The following THOC5 variants were observed in gnomAD, a reference collection of about 807,000 sequenced individuals.
The protein encoded by THOC5 is THO complex subunit 5.
Under a neutral mutation model 92.9 loss-of-function variants are expected in THOC5, and 43 were observed. The observed-to-expected ratio is 0.46, with a 90% CI of 0.36 to 0.60. The LOEUF (loss-of-function observed/expected upper bound fraction) is 0.60. Ranked by LOEUF, THOC5 falls within the 20% of genes least tolerant of loss-of-function variation. The probability of loss-of-function intolerance (pLI) is 0.00; values close to 1 mark genes in which losing one functional copy is unlikely to be tolerated. For synonymous variants in THOC5, 296 were observed against 320.1 expected (o/e 0.92, Z 0.80); for missense variants, 659 against 849.4 (o/e 0.78, Z 2.79).
chr22:29,519,951 A>G (rs1454344024), intron 14 of THOC5, 57 bp downstream of exon 14: 3 of 1,473,232 alleles, frequency 2.0e-6, no homozygotes, highest in African/African-American at 2.8e-5. Context: ...TCTAGAGTCT[A>G]TACAGGAAGA....
chr22:29,517,182 A>C, intron 16 of THOC5, 66 bp from the exon 17 acceptor site: 2 of 1,608,290 alleles, frequency 1.2e-6, no homozygotes, highest in Non-Finnish European at 1.7e-6. Flanking sequence ...CTGCTCTTCC[A>C]GTGAGGTGGC....
chr22:29,526,020 G>A, intron 11 of THOC5, 74 bp from the exon 12 acceptor site: 1 of 575,008 alleles, frequency 1.7e-6, no homozygotes, highest in South Asian at 1.5e-5. Flanking sequence ...ATAGGGGGTA[G>A]TAAGGTGGGG....
intron 11 of THOC5, among the ~76,000 whole-genome samples, chr22:29,527,862 G>A (rs1315805959): frequency 1.3e-5 from 2 of 152,192 alleles, no homozygotes; most frequent in Non-Finnish European, 1.5e-5. Flanking sequence ...TCAAGCTTCT[G>A]CCTTATGTGA....
rs2063157930 is a variant in THOC5, at chr22:29,508,314, GAC to G, written c.*141_*142del. 1.2e-6 allele frequency: 1 copy of G among 844,522 alleles called. No individual in the cohort carries two copies. The highest frequency in any genetic ancestry group is 1.8e-6 in the Non-Finnish European group (1 of 541,306). 52.3% of individuals were successfully genotyped at this position (844,522 alleles called of 1,614,324 possible). A position where few individuals can be genotyped will look rare whatever the true frequency, so the allele number is the denominator to read the frequency against. On this transcript the variant is annotated 3_prime_UTR_variant, in exon 20 of 20. Coordinates refer to ENST00000490103, the MANE Select transcript of THOC5 (RefSeq NM_003678.5). Reference sequence around the variant, plus strand: ...CAAAGCCACCTTGCCAGGAACCACAGACAAAGGCCACTGGTCAGGTGACGCTT... The same window carrying G: ...CAAAGCCACCTTGCCAGGAACCACAGAAAGGCCACTGGTCAGGTGACGCTT...
In THOC5 at chr22:29,536,615, G is replaced by A; in HGVS notation, c.714+9C>T. On this transcript the variant is annotated intron_variant, in intron 7 of 19. Coordinates refer to ENST00000490103, the MANE Select transcript of THOC5 (RefSeq NM_003678.5). The stretch of plus-strand genomic sequence containing the variant: ...GGTGAAGGCAAAGCAAAAGGCCAGA[G>A]GGCCCCACCTGCATGATGCTGTTGA... The A allele has an allele frequency of 6.4e-7, 1 of 1,563,758 alleles. No individual in the cohort carries two copies. The highest frequency in any genetic ancestry group is 8.8e-7 in the Non-Finnish European group (1 of 1,133,942).
Position 29,508,129 on chromosome 22 carries a change from C to A in THOC5, c.*328G>T. Reference sequence around the variant, plus strand: ...TAAATACAAGATCATGAGGACCTCACCCCGCAAAGCACAAATAGGGTGTGC... The same window carrying A: ...TAAATACAAGATCATGAGGACCTCAACCCGCAAAGCACAAATAGGGTGTGC... On this transcript the variant is annotated 3_prime_UTR_variant, in exon 20 of 20. Coordinates refer to ENST00000490103, the MANE Select transcript of THOC5 (RefSeq NM_003678.5). 1 of 276,338 alleles carries A rather than the reference C, an allele frequency of 3.6e-6. No homozygotes were observed. The highest frequency in any genetic ancestry group is 6.7e-5 in the South Asian group (1 of 14,986). 17.1% of individuals were successfully genotyped at this position (276,338 alleles called of 1,614,324 possible).
chr22:29,546,866 G>A (rs193137395), intron 2 of THOC5, among the ~76,000 whole-genome samples: 1 of 150,338 alleles, frequency 6.7e-6, no homozygotes, highest in East Asian at 1.9e-4. Context: ...TTGAGACAAG[G>A]TCTTGCTCTT....
intron 2 of THOC5, among the ~76,000 whole-genome samples, chr22:29,547,138 A>G (rs1326689918): frequency 1.3e-5 from 2 of 151,840 alleles, no homozygotes; most frequent in Non-Finnish European, 2.9e-5. Flanking sequence ...GCCACTGCAC[A>G]TGGCCCTGTC....
At chr22:29,529,379 G>C (rs1336730358) in intron 8 of THOC5, 140 bp from the exon 9 acceptor site, 2 of 796,972 alleles carry the variant, frequency 2.5e-6, no homozygotes, top group African/African-American at 1.7e-5. Flanking sequence ...AAAAGTCCTT[G>C]CTCCAGATGA....
intron 12 of THOC5, 25 bp downstream of exon 12, chr22:29,525,813 A>G (rs953507835): frequency 6.3e-7 from 1 of 1,595,252 alleles, no homozygotes; most frequent in Non-Finnish European, 8.6e-7. Flanking sequence ...CCCGCACGTC[A>G]TTGCCCAGAG....
intron 7 of THOC5, among the ~76,000 whole-genome samples, chr22:29,532,261 A>G: frequency 6.6e-6 from 1 of 150,654 alleles, no homozygotes; most frequent in Non-Finnish European, 1.5e-5. Flanking sequence ...GGAGTTCAAG[A>G]GCAGCCTGGG....
chr22:29,535,513 CTA>C (rs534974325), intron 7 of THOC5: 15 of 152,160 alleles, frequency 9.9e-5, no homozygotes, highest in Non-Finnish European at 1.6e-4. Flanking sequence ...TGAGTCCATA[CTA>C]TATGTTCTAC....
intron 4 of THOC5, 37 bp downstream of exon 4, chr22:29,543,385 GAGGAGGA>G (rs1280601508): frequency 7.8e-7 from 1 of 1,284,072 alleles, no homozygotes; most frequent in Admixed American, 1.9e-5. Flanking sequence ...AGGGGATGGG[GAGGAGGA>G]AGGAGGAAGG....
Position 29,528,473 on chromosome 22 carries a change from CCA to C in THOC5, c.926-9_926-8del. ...TCTGAGTCACTCTCGTCATCTGCAGCCACAGAGAGAAGGCAGCTAGAGGTGAG... is the reference window on the plus strand; with the variant it reads ...TCTGAGTCACTCTCGTCATCTGCAGCCAGAGAGAAGGCAGCTAGAGGTGAG... On this transcript the variant is annotated splice_polypyrimidine_tract_variant and splice_region_variant and intron_variant, in intron 9 of 19. Coordinates refer to ENST00000490103, the MANE Select transcript of THOC5 (RefSeq NM_003678.5). 2 of 1,612,910 alleles carry C rather than the reference CCA, an allele frequency of 1.2e-6. No individual in the cohort carries two copies. Among genetic ancestry groups the C allele is most frequent in the South Asian group, 1.1e-5 (1 of 91,074 alleles).
chr22:29,517,621 T>C (rs1299904041), intron 15 of THOC5, among the ~76,000 whole-genome samples: 2 of 152,262 alleles, frequency 1.3e-5, no homozygotes. Context: ...ATGCAAATGA[T>C]AGCCTGCCAA....
chr22:29,507,578 C>A lies in THOC5; in HGVS notation c.*879G>T, dbSNP rs1023431761. 1 of 151,990 alleles carries A rather than the reference C, an allele frequency of 6.6e-6. No homozygotes were observed. The highest frequency in any genetic ancestry group is 1.5e-5 in the Non-Finnish European group (1 of 68,012). 9.4% of individuals were successfully genotyped at this position (151,990 alleles called of 1,614,324 possible). A position where few individuals can be genotyped will look rare whatever the true frequency, so the allele number is the denominator to read the frequency against. On this transcript the variant is annotated 3_prime_UTR_variant, in exon 20 of 20. Coordinates refer to ENST00000490103, the MANE Select transcript of THOC5 (RefSeq NM_003678.5). Reference sequence around the variant, plus strand: ...TTCACCATGTCGGCCAGGCTGGTCTCAAACTCCTGACCTCAAGTGATCCAC... The same window carrying A: ...TTCACCATGTCGGCCAGGCTGGTCTAAAACTCCTGACCTCAAGTGATCCAC...
At chr22:29,510,094 C>A (rs925458766) in intron 19 of THOC5, among the ~76,000 whole-genome samples, 5 of 152,148 alleles carry the variant, frequency 3.3e-5, no homozygotes, top group Non-Finnish European at 5.9e-5. Flanking sequence ...CTTAAAAGAA[C>A]ATGAGTTAGA....
chr22:29,512,197 A>G lies in THOC5; in HGVS notation c.1682-61T>C. The G allele has an allele frequency of 2.1e-6, 3 of 1,401,048 alleles. No individual in the cohort carries two copies. The East Asian group carries it at 6.9e-5, about 32-fold the overall frequency. 86.8% of individuals were successfully genotyped at this position (1,401,048 alleles called of 1,614,324 possible). On this transcript the variant is annotated intron_variant, in intron 17 of 19. Coordinates refer to ENST00000490103, the MANE Select transcript of THOC5 (RefSeq NM_003678.5). ...TAAGACTCAGCTTGCCAGCCATGGC[A>G]GCCTCCCCACTGCACCCCTGAGGCT... is the stretch of plus-strand genomic sequence containing the variant.
intron 12 of THOC5, among the ~76,000 whole-genome samples, chr22:29,524,333 G>A (rs2063501703): frequency 6.6e-6 from 1 of 152,192 alleles, no homozygotes; most frequent in African/African-American, 2.4e-5. Flanking sequence ...CCTTTACCAA[G>A]TGCTTCCTCT....
Sources: allele counts gnomAD v4.1 joint callset (sites outside exome capture counted in the v4.1 genomes callset), GRCh38; gene constraint gnomAD v4.1.1; transcripts MANE v1.5; gene names NCBI Gene and HGNC (gene_info 2026-07-23, HGNC 2026-07-21).